The following EPHA6 variants were observed in gnomAD, a reference collection of about 807,000 sequenced individuals.
EPHA6 encodes the protein ephrin type-A receptor 6.
A neutral mutation model predicts 112.0 loss-of-function variants in EPHA6; 50 were observed. The observed-to-expected ratio is 0.45, with a 90% CI of 0.36 to 0.56. The LOEUF (loss-of-function observed/expected upper bound fraction) is 0.56. Ranked by LOEUF, EPHA6 falls within the 20% of genes least tolerant of loss-of-function variation. The pLI, the probability that EPHA6 is intolerant of heterozygous loss-of-function variation, is 0.00. For synonymous variants in EPHA6, 529 were observed against 490.7 expected, an observed-to-expected ratio of 1.08 and a Z score of -1.03; for missense variants, 1,280 against 1,417.4, an observed-to-expected ratio of 0.90 and a Z score of 1.56.
At chr3:97,323,367 A>G (rs2082213288) in intron 5 of EPHA6, among the ~76,000 whole-genome samples, 1 of 151,968 alleles carries the variant, frequency 6.6e-6, no homozygotes, top group South Asian at 2.1e-4. Context: ...AAATAAATAT[A>G]TAGGTGAAAA....
At chr3:97,520,378 T>C (rs1308011726) in intron 10 of EPHA6, among the ~76,000 whole-genome samples, 2 of 152,176 alleles carry the variant, frequency 1.3e-5, no homozygotes, top group Non-Finnish European at 2.9e-5. Flanking sequence ...CTTCCTTAAC[T>C]ATTGCTTCTA....
chr3:96,877,927 ATATTTT>A (rs763319858), intron 2 of EPHA6, among the ~76,000 whole-genome samples: 7 of 140,054 alleles, frequency 5.0e-5, no homozygotes, highest in East Asian at 2.1e-4. Flanking sequence ...ATATATATAT[ATATTTT>A]TTTTTTTTCC....
intron 3 of EPHA6, among the ~76,000 whole-genome samples, chr3:97,024,391 T>G (rs2044564279): frequency 6.6e-6 from 1 of 152,188 alleles, no homozygotes; most frequent in Non-Finnish European, 1.5e-5. Flanking sequence ...TGACTCTTAC[T>G]AGTGTAATGA....
intron 14 of EPHA6, among the ~76,000 whole-genome samples, chr3:97,682,184 T>A (rs913319627): frequency 2.0e-5 from 3 of 152,082 alleles, no homozygotes. Context: ...AGTCTGTGGC[T>A]TGGATCACCT....
At chr3:97,596,131 T>C (rs2093588599) in intron 12 of EPHA6, among the ~76,000 whole-genome samples, 1 of 151,822 alleles carries the variant, frequency 6.6e-6, no homozygotes, top group Admixed American at 6.6e-5. Context: ...GGTCTCGATC[T>C]ACTGACCTCA....
intron 5 of EPHA6, among the ~76,000 whole-genome samples, chr3:97,349,292 A>G (rs567856909): frequency 1.3e-5 from 2 of 152,218 alleles, no homozygotes; most frequent in Non-Finnish European, 2.9e-5. Context: ...CCATTAATAT[A>G]AAAGTAAAAA....
chr3:97,641,796 C>T (rs552495040), intron 14 of EPHA6, among the ~76,000 whole-genome samples: 5 of 152,310 alleles, frequency 3.3e-5, no homozygotes, highest in Admixed American at 2.6e-4. Context: ...CCTATGCCCA[C>T]GGAGTCTCGC....
At chr3:96,923,193 C>G (rs2039862918) in intron 2 of EPHA6, among the ~76,000 whole-genome samples, 1 of 152,154 alleles carries the variant, frequency 6.6e-6, no homozygotes, top group East Asian at 1.9e-4. Context: ...ATTTCTGCCT[C>G]TAGATCTTTG....
intron 3 of EPHA6, among the ~76,000 whole-genome samples, chr3:97,064,049 C>G (rs1212879624): frequency 6.6e-6 from 1 of 152,170 alleles, no homozygotes; most frequent in East Asian, 1.9e-4. Flanking sequence ...AGTCCACATT[C>G]TGTGATGTAT....
chr3:97,225,185 G>C (rs1351250142), intron 3 of EPHA6, among the ~76,000 whole-genome samples: 1 of 152,174 alleles, frequency 6.6e-6, no homozygotes, highest in Non-Finnish European at 1.5e-5. Context: ...TCAATCTCCT[G>C]ACCCTGTGAT....
At chr3:97,693,085 G>A (rs770165299) in intron 14 of EPHA6, among the ~76,000 whole-genome samples, 6 of 152,214 alleles carry the variant, frequency 3.9e-5, no homozygotes, top group Non-Finnish European at 7.3e-5. Flanking sequence ...TAATAATAAA[G>A]AAAGTAAATG....
chr3:97,479,269 T>C, intron 8 of EPHA6, 25 bp from the exon 9 acceptor site: 1 of 1,051,576 alleles, frequency 9.5e-7, no homozygotes, highest in South Asian at 1.8e-5. Flanking sequence ...TTAAAACAAG[T>C]TTTTTTTTTT....
At chr3:97,027,078 T>C (rs1416695581) in intron 3 of EPHA6, among the ~76,000 whole-genome samples, 1 of 152,154 alleles carries the variant, frequency 6.6e-6, no homozygotes, top group Non-Finnish European at 1.5e-5. Flanking sequence ...GAAAACGTGG[T>C]ACATGTACAC....
intron 16 of EPHA6, among the ~76,000 whole-genome samples, chr3:97,744,847 G>A (rs969124582): frequency 4.6e-5 from 7 of 152,064 alleles, no homozygotes; most frequent in Admixed American, 1.3e-4. Flanking sequence ...TGGCATAGGA[G>A]TATGAAGGGA....
chr3:97,414,398 T>C (rs1288569434), intron 6 of EPHA6, among the ~76,000 whole-genome samples: 1 of 152,042 alleles, frequency 6.6e-6, no homozygotes, highest in Non-Finnish European at 1.5e-5. Context: ...ATGCCTTACT[T>C]TCTTAATTTA....
intron 16 of EPHA6, among the ~76,000 whole-genome samples, chr3:97,745,860 T>C (rs1424646465): frequency 6.6e-6 from 1 of 151,752 alleles, no homozygotes; most frequent in African/African-American, 2.4e-5. Context: ...GGAATTTCAG[T>C]TTTTACCTTA....
intron 15 of EPHA6, among the ~76,000 whole-genome samples, chr3:97,726,719 C>T (rs578217517): frequency 6.6e-6 from 1 of 152,116 alleles, no homozygotes; most frequent in East Asian, 1.9e-4. Flanking sequence ...TTATTTACTA[C>T]ATAATGGAAG....
intron 14 of EPHA6, among the ~76,000 whole-genome samples, chr3:97,685,885 A>G (rs1560265241): frequency 1.3e-5 from 2 of 152,146 alleles, no homozygotes; most frequent in Non-Finnish European, 2.9e-5. Context: ...CAAATCTAAG[A>G]TTCATATCTA....
At chr3:97,605,496 G>C (rs969210308) in intron 12 of EPHA6, among the ~76,000 whole-genome samples, 14 of 151,420 alleles carry the variant, frequency 9.2e-5, no homozygotes, top group Admixed American at 2.6e-4. Context: ...AGCACCATTT[G>C]TTGACTAGGA....
Sources: gnomAD v4.1 joint callset for allele counts (sites outside exome capture counted in the v4.1 genomes callset) on GRCh38, gnomAD v4.1.1 for gene constraint, MANE v1.5 for transcripts, NCBI Gene and HGNC (gene_info 2026-07-23, HGNC 2026-07-21) for gene names.